SORCS2: variants seen among roughly 807,000 people sequenced by gnomAD.
The protein encoded by SORCS2 is VPS10 domain-containing receptor SorCS2.
Under a neutral mutation model 141.6 loss-of-function variants are expected in SORCS2, and 100 were observed. The observed-to-expected ratio is 0.71, with a 90% CI of 0.60 to 0.83. The LOEUF (loss-of-function observed/expected upper bound fraction) is 0.83. SORCS2 is among the 40% of genes least tolerant of loss of function. SORCS2 has a pLI of 0.00. For synonymous variants in SORCS2, 789 were observed against 676.9 expected, an observed-to-expected ratio of 1.17 and a Z score of -2.57; for missense variants, 1,646 against 1,560.2, an observed-to-expected ratio of 1.05 and a Z score of -0.93.
At position 7,556,915 on chromosome 4, in the gene SORCS2, C is replaced by G. The variant is rs567752151; in HGVS notation, c.648+25286C>G. Among the ~76,000 whole-genome samples the G allele has an allele frequency of 2.8e-4, 41 of 146,676 alleles. 1 individual carries two copies. Among genetic ancestry groups the G allele is most frequent in the Non-Finnish European group, 4.4e-4 (29 of 66,106 alleles). Reference sequence around the variant, plus strand: ...ACCCACCATCCATCCATCCATCCATCCACCCACCCACCCACCCATCCATCC... The same window carrying G: ...ACCCACCATCCATCCATCCATCCATGCACCCACCCACCCACCCATCCATCC... On this transcript the variant is annotated intron_variant, in intron 3 of 26. Transcript: ENST00000507866.
chr4:7,677,525 C>T (rs1156400118), intron 9 of SORCS2, among the ~76,000 whole-genome samples: 6 of 152,194 alleles, frequency 3.9e-5, no homozygotes, highest in Non-Finnish European at 8.8e-5. Flanking sequence ...CTCAGTTGTT[C>T]ACCTCCAAGC....
chr4:7,307,021 C>G (rs963618128), intron 1 of SORCS2, among the ~76,000 whole-genome samples: 7 of 152,220 alleles, frequency 4.6e-5, no homozygotes, highest in African/African-American at 1.7e-4. Context: ...CCACAGTGTG[C>G]AGCTCCCCAG....
intron 4 of SORCS2, among the ~76,000 whole-genome samples, chr4:7,649,467 G>C (rs1377148001): frequency 6.6e-6 from 1 of 152,114 alleles, no homozygotes; most frequent in Non-Finnish European, 1.5e-5. Flanking sequence ...CTGCAGGACC[G>C]AGGGCTGAGA....
rs186655677 is a variant in SORCS2 at position 7,308,766 on chromosome 4, A to T, written c.481-87522A>T. 1.8e-4 allele frequency among the ~76,000 whole-genome samples: 27 copies of T among 151,248 alleles called. No individual in the cohort carries two copies. In the East Asian group the frequency reaches 3.3e-3, roughly 19 times the overall value. On this transcript the variant is annotated intron_variant, in intron 1 of 26. Coordinates refer to ENST00000507866, the MANE Select transcript of SORCS2 (RefSeq NM_020777.3). Reference sequence around the variant, plus strand: ...CTCCAGCACCCTGTCGTCTCGCTCCAGCACCCTGTCCTCTCTCTCTAGCAC... The same window carrying T: ...CTCCAGCACCCTGTCGTCTCGCTCCTGCACCCTGTCCTCTCTCTCTAGCAC...
At chr4:7,464,236 G>A (rs1047911515) in intron 2 of SORCS2, among the ~76,000 whole-genome samples, 1 of 152,210 alleles carries the variant, frequency 6.6e-6, no homozygotes, top group African/African-American at 2.4e-5. Context: ...CTACCCATGA[G>A]TGAGCCCCTA....
intron 3 of SORCS2, among the ~76,000 whole-genome samples, chr4:7,565,607 G>A (rs937699112): frequency 6.6e-6 from 1 of 150,910 alleles, no homozygotes; most frequent in African/African-American, 2.4e-5. Context: ...TGGTAATGAT[G>A]ATGATATAAT....
At chr4:7,625,174 C>G (rs1577858430) in intron 3 of SORCS2, among the ~76,000 whole-genome samples, 1 of 152,294 alleles carries the variant, frequency 6.6e-6, no homozygotes, top group African/African-American at 2.4e-5. Flanking sequence ...TAAAACAGAA[C>G]CAGCTCTTTC....
rs1716244663 is a variant in SORCS2, at chr4:7,286,617, A to T, written c.480+93491A>T. 1.3e-5 allele frequency among the ~76,000 whole-genome samples: 2 copies of T among 152,170 alleles called. No homozygotes were observed. Among genetic ancestry groups the T allele is most frequent in the South Asian group, 4.1e-4 (2 of 4,834 alleles). ...CCAGCCCCCCGTATCTTACGGATGG[A>T]GGACACAGGCCCAGGGAGGGAGGTG... On this transcript the variant is annotated intron_variant, in intron 1 of 26. Transcript: ENST00000507866. This position sits in a 1 kb window ranked among gnomAD's most constrained non-coding sequence, Gnocchi z 4.1.
intron 2 of SORCS2, among the ~76,000 whole-genome samples, chr4:7,424,878 A>G (rs920996916): frequency 3.9e-5 from 6 of 152,160 alleles, no homozygotes; most frequent in African/African-American, 1.4e-4. Context: ...GGGACATTGG[A>G]CCACACAGTG....
rs531948254 is a variant in SORCS2, at chr4:7,664,334, C to T, written c.953-19C>T. ...CCGGCTGGAGTCTGACCGCCTGGGT[C>T]GGCGCCTCTCTCCTGTAGATTTTCG... On this transcript the variant is annotated intron_variant, in intron 6 of 26. Coordinates refer to ENST00000507866, the MANE Select transcript of SORCS2 (RefSeq NM_020777.3). The surrounding 1 kb of genome is among the most constrained non-coding windows in gnomAD (Gnocchi z 4.7). 7 of 1,602,734 alleles carry T rather than the reference C, an allele frequency of 4.4e-6. No individual in the cohort carries two copies. Among genetic ancestry groups the T allele is most frequent in the East Asian group, 2.2e-5 (1 of 44,538 alleles).
chr4:7,443,808 T>C (rs1727828923), intron 2 of SORCS2, among the ~76,000 whole-genome samples: 1 of 152,242 alleles, frequency 6.6e-6, no homozygotes, highest in Non-Finnish European at 1.5e-5. Flanking sequence ...GGCCTCCTCG[T>C]TCCTGAGTCT....
At chr4:7,676,542 A>C (rs185734176) in intron 9 of SORCS2, among the ~76,000 whole-genome samples, 2 of 152,132 alleles carry the variant, frequency 1.3e-5, no homozygotes, top group African/African-American at 4.8e-5. Context: ...GTTCAGCCTG[A>C]GTGTTCTCTG....
intron 2 of SORCS2, among the ~76,000 whole-genome samples, chr4:7,513,857 G>A (rs968504522): frequency 3.3e-5 from 5 of 152,286 alleles, no homozygotes; most frequent in Middle Eastern, 3.4e-3. Flanking sequence ...CAATTTCCCC[G>A]CCTTTGGTTT....
intron 1 of SORCS2, among the ~76,000 whole-genome samples, chr4:7,369,696 G>T (rs1388058422): frequency 6.6e-6 from 1 of 152,180 alleles, no homozygotes; most frequent in Non-Finnish European, 1.5e-5. Flanking sequence ...AGTCCTGGAG[G>T]TCCTGGCCAG....
Position 7,728,462 on chromosome 4 carries a change from G to A in SORCS2, c.2982G>A (p.Lys994=). Reference sequence around the variant, plus strand: ...TGGTGGTCACCCGGCTGCTCTCCAAGGTGTCCACCCAGAGCCTAGAGCCTC... The same window carrying A: ...TGGTGGTCACCCGGCTGCTCTCCAAAGTGTCCACCCAGAGCCTAGAGCCTC... ...VGLVVTRLLS[K]ETSVPQELLV... Residue 994 remains lysine (K), a splice_region_variant and synonymous_variant, in exon 22 of 27, where the codon AAG becomes AAA. Coordinates refer to ENST00000507866, the MANE Select transcript of SORCS2 (RefSeq NM_020777.3). The A allele has an allele frequency of 6.2e-7, 1 of 1,609,220 alleles. No homozygotes were observed. Among genetic ancestry groups the A allele is most frequent in the Non-Finnish European group, 8.5e-7 (1 of 1,177,678 alleles).
intron 10 of SORCS2, among the ~76,000 whole-genome samples, chr4:7,684,427 A>G (rs1723748174): frequency 6.6e-6 from 1 of 152,096 alleles, no homozygotes; most frequent in Non-Finnish European, 1.5e-5. Context: ...AAGGCCTAGA[A>G]TGCCCTTTCC....
In SORCS2 at chr4:7,470,745, C is replaced by A. The variant is rs73088038; in HGVS notation, c.549-60785C>A. 8.9e-4 allele frequency among the ~76,000 whole-genome samples: 136 copies of A among 152,350 alleles called. 1 individual carries two copies. Among genetic ancestry groups the A allele is most frequent in the African/African-American group, 3.2e-3 (135 of 41,582 alleles). On this transcript the variant is annotated intron_variant, in intron 2 of 26. Transcript: ENST00000507866. ...TTGGGGACAGACAAAGCCCTGGCCC[C>A]AGCCCCAGCCTGCATGGAGCCCACA...
In SORCS2 at chr4:7,531,634, G is replaced by A; in HGVS notation, c.648+5G>A. The A allele has an allele frequency of 6.2e-7, 1 of 1,612,014 alleles. No homozygotes were observed. Among genetic ancestry groups the A allele is most frequent in the African/African-American group, 1.3e-5 (1 of 75,054 alleles). On this transcript the variant is annotated splice_donor_5th_base_variant and intron_variant, in intron 3 of 26. Coordinates refer to ENST00000507866, the MANE Select transcript of SORCS2 (RefSeq NM_020777.3). ...TGCCCGACCAACAAGAGGAAGGTAG[G>A]TGCTGGCTGGGGGTGGCCGCCACTC...
chr4:7,227,439 G>T (rs9991443), intron 1 of SORCS2, among the ~76,000 whole-genome samples: 5 of 152,176 alleles, frequency 3.3e-5, no homozygotes, highest in African/African-American at 7.2e-5. Flanking sequence ...CTCCAGAGCA[G>T]ACGTAGCCCT....
Sources: gnomAD v4.1 joint callset for allele counts (sites outside exome capture counted in the v4.1 genomes callset) on GRCh38, gnomAD v4.1.1 for gene constraint, Gnocchi (gnomAD v3.1) non-coding constraint, MANE v1.5 for transcripts, NCBI Gene and HGNC (gene_info 2026-07-23, HGNC 2026-07-21) for gene names.